Variants in LBHD1 observed in about 807,000 individuals in gnomAD.
The protein encoded by LBHD1 is LBH domain-containing protein 1.
LBHD1 carries 28 observed loss-of-function variants against 31.1 expected under a neutral mutation model. The ratio of observed to expected loss-of-function variants is 0.90; its 90% CI spans 0.67 to 1.24. The LOEUF (loss-of-function observed/expected upper bound fraction) is 1.24. Among genes scored for constraint, LBHD1 ranks in the 50% most tolerant of loss-of-function variants. The pLI is 0.00. For synonymous variants in LBHD1, 105 were observed against 116.5 expected, an observed-to-expected ratio of 0.90 and a Z score of 0.63; for missense variants, 350 against 323.0, an observed-to-expected ratio of 1.08 and a Z score of -0.64.
At position 62,666,362 on chromosome 11, in the gene LBHD1, T is replaced by C. The variant is rs112253711; in HGVS notation, c.538+1161A>G. On this transcript the variant is annotated intron_variant, in intron 4 of 6. Coordinates refer to ENST00000354588, the MANE Select transcript of LBHD1 (RefSeq NM_024099.5). ...ATACGACGTTTTTGCAGTGGCGACA[T>C]AGACCAAGTGACACCCTCCAACCGT... is the stretch of plus-strand genomic sequence containing the variant. 8.1e-4 allele frequency: 1,304 copies of C among 1,600,988 alleles called. 10 individuals carry two copies. In the African/African-American group the frequency reaches 0.016, roughly 19 times the overall value.
At position 62,667,945 on chromosome 11, in the gene LBHD1, GT is replaced by G. The variant is rs1403024293; in HGVS notation, c.314-199del. 5.5e-6 allele frequency: 3 copies of G among 542,526 alleles called. No individual in the cohort carries two copies. In the African/African-American group the frequency reaches 5.6e-5, roughly 10 times the overall value. 33.6% of individuals were successfully genotyped at this position (542,526 alleles called of 1,614,324 possible). On this transcript the variant is annotated intron_variant, in intron 3 of 6. Transcript: ENST00000354588. ...GAGCCCGGGATAGTGGCACAGGCAT[GT>G]AGTTCCAACTACTCAGGAGGCTGAG...
intron 3 of LBHD1, among the ~76,000 whole-genome samples, chr11:62,668,815 C>A (rs1399853716): frequency 2.0e-5 from 3 of 150,142 alleles, no homozygotes; most frequent in East Asian, 3.9e-4. Flanking sequence ...AAAAAAAAAA[C>A]CAAAACCAAA....
In LBHD1 at chr11:62,671,643, T is replaced by A; in HGVS notation, c.-90A>T. On this transcript the variant is annotated 5_prime_UTR_variant, in exon 1 of 7. Transcript: ENST00000354588. ...CCGGCCGCTTATCTATGGTTTCTGC[T>A]ATAGGGCGCTCTAGCCTGCGCCAAG... is the stretch of plus-strand genomic sequence containing the variant. 1 of 1,537,986 alleles carries A rather than the reference T, an allele frequency of 6.5e-7. No individual in the cohort carries two copies. The highest frequency in any genetic ancestry group is 2.3e-5 in the East Asian group (1 of 43,752).
At position 62,668,474 on chromosome 11, in the gene LBHD1, CTG is replaced by C. The variant is rs1278175948; in HGVS notation, c.314-729_314-728del. On this transcript the variant is annotated intron_variant, in intron 3 of 6. Transcript: ENST00000354588. ...TCCGCCTGGGCAACAGAGGGTGACT[CTG>C]TCTCAAAAAAAAAAAAAAAAAAAAA... The C allele has an allele frequency of 4.1e-5, 5 of 122,728 alleles. No homozygotes were observed. The South Asian group carries it at 1.3e-3, about 32-fold the overall frequency. 7.6% of individuals were successfully genotyped at this position (122,728 alleles called of 1,614,324 possible).
In LBHD1 at chr11:62,665,026, G is replaced by A. The variant is rs1309935210; in HGVS notation, c.539-53C>T. The A allele has an allele frequency of 2.5e-6, 4 of 1,600,072 alleles. No homozygotes were observed. The East Asian group carries it at 6.7e-5, about 27-fold the overall frequency. On this transcript the variant is annotated intron_variant, in intron 4 of 6. Transcript: ENST00000354588. Reference sequence around the variant, plus strand: ...TGGAGTGGGCTCGCCGCGACCCGGGGCCCCTCCACCAGGCAGCCCCGGCCC... The same window carrying A: ...TGGAGTGGGCTCGCCGCGACCCGGGACCCCTCCACCAGGCAGCCCCGGCCC...
At chr11:62,668,026 C>T (rs1944865436) in intron 3 of LBHD1, 3 of 320,792 alleles carry the variant, frequency 9.4e-6, no homozygotes, top group Non-Finnish European at 1.7e-5. Flanking sequence ...CCATGATAAG[C>T]TGCTGCACTT....
Position 62,667,734 on chromosome 11 carries a change from G to T in LBHD1, c.327C>A (p.Ser109Arg), listed in dbSNP as rs777186299. 8.7e-6 allele frequency: 14 copies of T among 1,606,210 alleles called. No homozygotes were observed. The highest frequency in any genetic ancestry group is 1.2e-5 in the Non-Finnish European group (14 of 1,173,762). Residue 109 changes from serine (S) to arginine (R), a missense_variant, in exon 4 of 7, where the codon AGC becomes AGA. Physicochemically the swap from Ser to Arg is moderately radical, Grantham distance 110 (BLOSUM62 -1). Transcript: ENST00000354588. The part of the protein sequence containing the change: ...DQSEEPGWAW[S>R]PQDPRSPLRT... ...TTAAAGGACTTCTAGGGTCCTGTGG[G>T]CTCCAAGCCCAGCCTGGGATGGAGG...
rs202217063 is a variant in LBHD1 at position 62,669,890 on chromosome 11, G to A, written c.142C>T (p.His48Tyr). 1.8e-4 allele frequency: 291 copies of A among 1,614,228 alleles called. 3 individuals carry two copies. Among genetic ancestry groups the A allele is most frequent in the Non-Finnish European group, 3.8e-5 (45 of 1,180,046 alleles). Residue 48 changes from histidine (H) to tyrosine (Y), a missense_variant, in exon 2 of 7, where the codon CAC becomes TAC. Coordinates refer to ENST00000354588, the MANE Select transcript of LBHD1 (RefSeq NM_024099.5). Reference sequence around the variant, plus strand: ...GCTGAGGAAGTACTAACCTGAATGTGCTGGTGACCTTCAACCTTGCCAATT... The same window carrying A: ...GCTGAGGAAGTACTAACCTGAATGTACTGGTGACCTTCAACCTTGCCAATT... ...GKIGKVEGHQ[H>Y]IQDFSQKSHL...
chr11:62,665,384 G>C, intron 4 of LBHD1: 3 of 1,134,552 alleles, frequency 2.6e-6, no homozygotes, highest in Non-Finnish European at 3.8e-6. Flanking sequence ...GGAGTGGTGG[G>C]GGTGCCGGGT....
At chr11:62,667,491 G>A in intron 4 of LBHD1, 32 bp downstream of exon 4, 1 of 1,598,444 alleles carries the variant, frequency 6.3e-7, no homozygotes, top group South Asian at 1.1e-5. Context: ...AAACCTGGAT[G>A]AGATATTTGA....
At position 62,666,753 on chromosome 11, in the gene LBHD1, A is replaced by T. The variant is rs118053937; in HGVS notation, c.538+770T>A. Reference sequence around the variant, plus strand: ...CCTGCCTCAAGCCTCCACTTCATGCACGCCGATGCTCAGAACCTGGGGGCT... The same window carrying T: ...CCTGCCTCAAGCCTCCACTTCATGCTCGCCGATGCTCAGAACCTGGGGGCT... On this transcript the variant is annotated intron_variant, in intron 4 of 6. Transcript: ENST00000354588. The T allele has an allele frequency of 1.4e-4, 228 of 1,614,164 alleles. 1 individual carries two copies. In the East Asian group the frequency reaches 4.2e-3, roughly 30 times the overall value.
chr11:62,669,937 T>C lies in LBHD1; in HGVS notation c.95A>G (p.Asn32Ser), dbSNP rs754363748. 14 of 1,614,008 alleles carry C rather than the reference T, an allele frequency of 8.7e-6. No individual in the cohort carries two copies. The African/African-American group carries it at 1.1e-4, about 12-fold the overall frequency. ...SQHPESPRLPNPLWDRGKIGK... is the reference protein window; with the variant it reads ...SQHPESPRLPSPLWDRGKIGK... ...AATTTTTCCTCTGTCCCAGAGAGGG[T>C]TGGGCAGCCTGGGACTTTCTGGATG... Residue 32 changes from asparagine to serine, a missense_variant, in exon 2 of 7, where the codon AAC (asparagine) becomes AGC (serine). Asn to Ser is a conservative substitution (Grantham distance 46). Transcript: ENST00000354588.
Position 62,669,668 on chromosome 11 carries a change from A to T in LBHD1, c.286T>A (p.Phe96Ile). 2 of 1,614,058 alleles carry T rather than the reference A, an allele frequency of 1.2e-6. No individual in the cohort carries two copies. The highest frequency in any genetic ancestry group is 2.2e-5 in the South Asian group (2 of 91,074). The stretch of plus-strand genomic sequence containing the variant: ...GGCTCTTCACTTTGGTCTTGGAAGA[A>T]GGCCTCAGCATCCTCTTCCTCACCA... The part of the protein sequence containing the change: ...TDGEEEDAEA[F>I]FQDQSEEPGW... Residue 96 changes from phenylalanine (F) to isoleucine (I), a missense_variant, in exon 3 of 7, where the codon TTC (phenylalanine) becomes ATC (isoleucine). Phe to Ile is a conservative substitution (Grantham distance 21). Transcript: ENST00000354588.
In LBHD1 at chr11:62,662,969, C is replaced by T; in HGVS notation, c.*160G>A. On this transcript the variant is annotated 3_prime_UTR_variant, in exon 7 of 7. Coordinates refer to ENST00000354588, the MANE Select transcript of LBHD1 (RefSeq NM_024099.5). Reference sequence around the variant, plus strand: ...AGGAAATCTGGAGAGTGAAAAGGGGCCTTGCTTTTGTCAAAGTCCTCTGAA... The same window carrying T: ...AGGAAATCTGGAGAGTGAAAAGGGGTCTTGCTTTTGTCAAAGTCCTCTGAA... 5 of 1,084,172 alleles carry T rather than the reference C, an allele frequency of 4.6e-6. No homozygotes were observed. Among genetic ancestry groups the T allele is most frequent in the Non-Finnish European group, 5.4e-6 (4 of 745,194 alleles). 67.2% of individuals were successfully genotyped at this position (1,084,172 alleles called of 1,614,324 possible).
rs750538799 is a variant in LBHD1 at position 62,671,911 on chromosome 11, C to T, written c.-358G>A. ...CGAGGAAGGGTGGGCGGGTGGAGAGCCCCGGACTGGAGCTCCTGCGAACTC... is the reference window on the plus strand; with the variant it reads ...CGAGGAAGGGTGGGCGGGTGGAGAGTCCCGGACTGGAGCTCCTGCGAACTC... On this transcript the variant is annotated 5_prime_UTR_variant, in exon 1 of 7. Coordinates refer to ENST00000354588, the MANE Select transcript of LBHD1 (RefSeq NM_024099.5). The T allele has an allele frequency of 1.9e-6, 3 of 1,613,064 alleles. No homozygotes were observed. The highest frequency in any genetic ancestry group is 3.3e-5 in the Admixed American group (2 of 59,978).
At chr11:62,664,745 G>A in intron 5 of LBHD1, 104 bp downstream of exon 5, 1 of 1,388,116 alleles carries the variant, frequency 7.2e-7, no homozygotes, top group Non-Finnish European at 9.8e-7. Context: ...CCGCATAAGC[G>A]TCAGTGCACA....
At chr11:62,665,263 CG>C in intron 4 of LBHD1, 2 of 745,462 alleles carry the variant, frequency 2.7e-6, no homozygotes, top group Non-Finnish European at 4.6e-6. Context: ...AATCGCAACT[CG>C]GGGGCGGGTC....
chr11:62,665,156 C>T (rs1414160074), intron 4 of LBHD1, 183 bp from the exon 5 acceptor site: 2 of 917,008 alleles, frequency 2.2e-6, no homozygotes, highest in South Asian at 1.4e-5. Context: ...GATCTTTCCC[C>T]CCGGAGCTCC....
Position 62,671,584 on chromosome 11 carries a change from A to C in LBHD1, c.-31T>G. On this transcript the variant is annotated 5_prime_UTR_variant, in exon 1 of 7. Transcript: ENST00000354588. Reference sequence around the variant, plus strand: ...TAAACCTGAGATCCAAGCGCTCCGGATTCCAAACGTTTCCTCGAGCAGGTC... The same window carrying C: ...TAAACCTGAGATCCAAGCGCTCCGGCTTCCAAACGTTTCCTCGAGCAGGTC... The C allele has an allele frequency of 6.8e-7, 1 of 1,465,300 alleles. No individual in the cohort carries two copies. Among genetic ancestry groups the C allele is most frequent in the South Asian group, 1.4e-5 (1 of 70,060 alleles). 90.8% of individuals were successfully genotyped at this position (1,465,300 alleles called of 1,614,324 possible).
Sources: allele counts gnomAD v4.1 joint callset (sites outside exome capture counted in the v4.1 genomes callset), GRCh38; gene constraint gnomAD v4.1.1; transcripts MANE v1.5; gene names NCBI Gene and HGNC (gene_info 2026-07-23, HGNC 2026-07-21).